CPNE1: variants seen among roughly 807,000 people sequenced by gnomAD.
The protein encoded by CPNE1 is copine-1.
A neutral mutation model predicts 63.2 loss-of-function variants in CPNE1; 58 were observed. The observed-to-expected ratio is 0.92, with a 90% CI of 0.74 to 1.14. The LOEUF is 1.14. Ranked by LOEUF, CPNE1 falls within the 50% of genes most tolerant of loss-of-function variation. The pLI, the probability that CPNE1 is intolerant of heterozygous loss-of-function variation, is 0.00. For missense variants in CPNE1, 672 were observed against 661.7 expected (o/e 1.02, Z -0.17); for synonymous variants, 237 against 249.0 (o/e 0.95, Z 0.45).
At chr20:35,645,348 C>A (rs1446655953) in intron 1 of CPNE1, among the ~76,000 whole-genome samples, 1 of 152,180 alleles carries the variant, frequency 6.6e-6, no homozygotes, top group African/African-American at 2.4e-5. Flanking sequence ...CAACAGGAAA[C>A]TACACTATGA....
chr20:35,638,561 A>G (rs370840894), intron 1 of CPNE1, among the ~76,000 whole-genome samples: 7 of 152,350 alleles, frequency 4.6e-5, no homozygotes, highest in African/African-American at 1.7e-4. Flanking sequence ...AAAGCATTAA[A>G]TGTACCACTT....
In CPNE1 at chr20:35,632,579, T is replaced by C. The variant is rs368557730; in HGVS notation, c.247A>G (p.Asn83Asp). 6.1e-5 allele frequency: 98 copies of C among 1,613,666 alleles called. No homozygotes were observed. Among genetic ancestry groups the C allele is most frequent in the Non-Finnish European group, 8.1e-5 (95 of 1,179,678 alleles). The change falls in exon 3 of 16, where the codon AAC becomes GAC. Residue 83 changes from asparagine to aspartate, a missense_variant. By Grantham distance (23) the Asn-to-Asp change is conservative (BLOSUM62 1). Coordinates refer to ENST00000397443, the MANE Select transcript of CPNE1 (RefSeq NM_152925.3). ...KLRFGIYDID[N>D]KTPELRDDDF... The stretch of plus-strand genomic sequence containing the variant: ...TCATCCCTCAGCTCTGGCGTCTTGT[T>C]GTCTATGTCATAGATTCCAAAGCGT...
At chr20:35,639,335 G>A (rs1299089096) in intron 1 of CPNE1, among the ~76,000 whole-genome samples, 3 of 151,982 alleles carry the variant, frequency 2.0e-5, no homozygotes, top group Admixed American at 2.0e-4. Flanking sequence ...AAAATGTTGG[G>A]GAAACTATTA....
chr20:35,657,180 G>A (rs900118030), intron 1 of CPNE1, among the ~76,000 whole-genome samples: 2 of 152,188 alleles, frequency 1.3e-5, no homozygotes, highest in Non-Finnish European at 2.9e-5. Flanking sequence ...AGAAATTTGG[G>A]AAGTGTGGGG....
intron 1 of CPNE1, chr20:35,653,313 T>C (rs1601471664): frequency 6.2e-7 from 1 of 1,613,838 alleles, no homozygotes; most frequent in Non-Finnish European, 8.5e-7. Flanking sequence ...TGGGCAGGCC[T>C]GCACCGGGAA....
chr20:35,626,299 G>A lies in CPNE1; in HGVS notation c.1556C>T (p.Ala519Val). 1.9e-6 allele frequency: 3 copies of A among 1,614,054 alleles called. No individual in the cohort carries two copies. Among genetic ancestry groups the A allele is most frequent in the Non-Finnish European group, 2.5e-6 (3 of 1,179,992 alleles). Residue 519 changes from alanine (A) to valine (V), a missense_variant, in exon 16 of 16, where the codon GCC becomes GTC. Transcript: ENST00000397443. ...TGAGGGTGGAAGTGGCTTGAGCGGGGCCCAACCCTGGGCCCTGAAGTATGA... is the reference window on the plus strand; with the variant it reads ...TGAGGGTGGAAGTGGCTTGAGCGGGACCCAACCCTGGGCCCTGAAGTATGA... ...LVSYFRAQGWAPLKPLPPSAK... is the reference protein window; with the variant it reads ...LVSYFRAQGWVPLKPLPPSAK...
At chr20:35,646,252 C>CAAAAAAAAAAAA (rs549372063) in intron 1 of CPNE1, among the ~76,000 whole-genome samples, 7 of 58,352 alleles carry the variant, frequency 1.2e-4, no homozygotes, top group Admixed American at 2.3e-4. Context: ...AAGACCATCT[C>CAAAAAAAAAAAA]AAAAAAAAAA....
At chr20:35,639,582 C>T (rs1363424839) in intron 1 of CPNE1, among the ~76,000 whole-genome samples, 1 of 152,164 alleles carries the variant, frequency 6.6e-6, no homozygotes, top group African/African-American at 2.4e-5. Context: ...GTGATCCGCC[C>T]GCCTTGGCCT....
At chr20:35,653,400 C>T (rs1468706293) in intron 1 of CPNE1, 7 of 1,614,010 alleles carry the variant, frequency 4.3e-6, no homozygotes, top group African/African-American at 1.3e-5. Flanking sequence ...CTGGCACAGG[C>T]ATCTTTAATC....
chr20:35,634,016 C>T (rs999089275), intron 1 of CPNE1, among the ~76,000 whole-genome samples: 2 of 149,576 alleles, frequency 1.3e-5, no homozygotes, highest in Admixed American at 6.7e-5. Flanking sequence ...AATCCCAGCA[C>T]CTTGGGAGGC....
At chr20:35,656,240 T>C (rs919972094) in intron 1 of CPNE1, among the ~76,000 whole-genome samples, 16 of 152,232 alleles carry the variant, frequency 1.1e-4, no homozygotes, top group African/African-American at 3.4e-4. Flanking sequence ...TTTTTTGTTT[T>C]TGTTTTAGAA....
Position 35,630,979 on chromosome 20 carries a change from T to C in CPNE1, c.917A>G (p.His306Arg). 1.2e-6 allele frequency: 2 copies of C among 1,614,002 alleles called. No homozygotes were observed. The highest frequency in any genetic ancestry group is 1.3e-5 in the African/African-American group (1 of 74,986). The change falls in exon 11 of 16, where the codon CAC becomes CGC. Residue 306 changes from histidine (H) to arginine (R), a missense_variant. By Grantham distance (29) the His-to-Arg change is conservative. Transcript: ENST00000397443. ...ATTGACCCCTGTTGGACTCAGGTAG[T>C]GTAGGGAGTCAGGTGAGGAGGGGTC... is the stretch of plus-strand genomic sequence containing the variant. ...NGDPSSPDSLHYLSPTGVNEY... is the reference protein window; with the variant it reads ...NGDPSSPDSLRYLSPTGVNEY...
rs528108757 is a variant in CPNE1 at position 35,646,662 on chromosome 20, A to G, written c.1-13739T>C. On this transcript the variant is annotated intron_variant, in intron 1 of 15. Coordinates refer to ENST00000397443, the MANE Select transcript of CPNE1 (RefSeq NM_152925.3). Reference sequence around the variant, plus strand: ...TACGAGCAGGTTTACTATATAAGCAAGCAAAGGGAGGAAATGAACAGCAGC... The same window carrying G: ...TACGAGCAGGTTTACTATATAAGCAGGCAAAGGGAGGAAATGAACAGCAGC... Among the ~76,000 whole-genome samples the G allele has an allele frequency of 2.6e-5, 4 of 152,286 alleles. No individual in the cohort carries two copies. In the South Asian group the frequency reaches 8.3e-4, roughly 32 times the overall value.
In CPNE1 at chr20:35,636,302, G is replaced by A. The variant is rs371109232; in HGVS notation, c.1-3379C>T. Among the ~76,000 whole-genome samples the A allele has an allele frequency of 2.0e-5, 3 of 152,146 alleles. No homozygotes were observed. In the East Asian group the frequency reaches 5.8e-4, roughly 29 times the overall value. ...AAGTCACAATCTGAACTCCATGCAT[G>A]TCACCTCACATGCTCTCCCAGGCAG... is the stretch of plus-strand genomic sequence containing the variant. On this transcript the variant is annotated intron_variant, in intron 1 of 15. Coordinates refer to ENST00000397443, the MANE Select transcript of CPNE1 (RefSeq NM_152925.3).
intron 1 of CPNE1, 105 bp from the exon 2 acceptor site, chr20:35,633,028 G>A (rs759702698): frequency 1.3e-4 from 98 of 771,148 alleles, no homozygotes; most frequent in Non-Finnish European, 2.0e-4. Context: ...AGGCAGGGCT[G>A]AGCATACGTC....
rs1013705604 is a variant in CPNE1, at chr20:35,656,003, T to C, written c.-1+8757A>G. ...AAACTACATATGGAATTATTTATTATAAACAAGGTTAAGACATACTAAGAA... is the reference window on the plus strand; with the variant it reads ...AAACTACATATGGAATTATTTATTACAAACAAGGTTAAGACATACTAAGAA... On this transcript the variant is annotated intron_variant, in intron 1 of 15. Transcript: ENST00000397443. Among the ~76,000 whole-genome samples the C allele has an allele frequency of 4.6e-5, 7 of 152,216 alleles. No homozygotes were observed. In the South Asian group the frequency reaches 8.3e-4, roughly 18 times the overall value.
chr20:35,647,622 A>C (rs2033205250), intron 1 of CPNE1, among the ~76,000 whole-genome samples: 1 of 152,066 alleles, frequency 6.6e-6, no homozygotes, highest in African/African-American at 2.4e-5. Context: ...AGCAGTATGT[A>C]GAGTAGCAAG....
intron 1 of CPNE1, among the ~76,000 whole-genome samples, chr20:35,634,217 C>T (rs1312989825): frequency 2.1e-5 from 3 of 143,034 alleles, no homozygotes; most frequent in African/African-American, 2.7e-5. Context: ...GCCGAGATGG[C>T]GCCACTGCAC....
intron 13 of CPNE1, 38 bp from the exon 14 acceptor site, chr20:35,627,451 C>T (rs752476634): frequency 8.1e-6 from 13 of 1,607,968 alleles, no homozygotes; most frequent in Non-Finnish European, 1.1e-5. Context: ...AAATCCTGGA[C>T]CTCTCAGGAC....
Sources: gnomAD v4.1 joint callset for allele counts (sites outside exome capture counted in the v4.1 genomes callset) on GRCh38, gnomAD v4.1.1 for gene constraint, MANE v1.5 for transcripts, NCBI Gene and HGNC (gene_info 2026-07-23, HGNC 2026-07-21) for gene names.